The following RP1 variants were observed in gnomAD, a reference collection of about 807,000 sequenced individuals.
RP1 encodes RP1 axonemal microtubule associated, also known as oxygen-regulated protein 1.
A neutral mutation model predicts 14.8 loss-of-function variants in RP1; 16 were observed. That is an observed-to-expected ratio of 1.08 (90% CI 0.73 to 1.65). The LOEUF is 1.65. Among genes scored for constraint, RP1 ranks in the 40% most tolerant of loss-of-function variants. The pLI, the probability that RP1 is intolerant of heterozygous loss-of-function variation, is 0.00. For missense variants in RP1, 2,631 were observed against 2,535.0 expected (o/e 1.04, Z -0.81); for synonymous variants, 876 against 883.6 (o/e 0.99, Z 0.15).
intron 1 of RP1, among the ~76,000 whole-genome samples, chr8:54,575,585 A>G (rs1804623099): frequency 6.6e-6 from 1 of 152,206 alleles, no homozygotes; most frequent in African/African-American, 2.4e-5. Flanking sequence ...TTAAGTTATT[A>G]CGACAATCGT....
chr8:54,712,490 G>C (rs995833147), intron 15 of RP1, among the ~76,000 whole-genome samples: 1 of 152,086 alleles, frequency 6.6e-6, no homozygotes, highest in Non-Finnish European at 1.5e-5. Flanking sequence ...TTCTCCTGTG[G>C]GTCACCAGTT....
At chr8:54,659,027 T>A (rs184727607) in intron 6 of RP1, among the ~76,000 whole-genome samples, 1 of 152,178 alleles carries the variant, frequency 6.6e-6, no homozygotes. Flanking sequence ...CTTTGATGAA[T>A]TGTCTATTCA....
chr8:54,598,784 G>A (rs917043101), intron 1 of RP1, among the ~76,000 whole-genome samples: 1 of 152,160 alleles, frequency 6.6e-6, no homozygotes, highest in East Asian at 1.9e-4. Flanking sequence ...GAAAATGGTT[G>A]CAATATCCTT....
chr8:54,710,289 G>A (rs1470347216), intron 15 of RP1, among the ~76,000 whole-genome samples: 3 of 152,230 alleles, frequency 2.0e-5, no homozygotes, highest in Admixed American at 6.5e-5. Flanking sequence ...AGGCACTGGA[G>A]CAAGTGAGTG....
Position 54,628,896 on chromosome 8 carries a change from CT to C in RP1, c.5017del (p.Tyr1673MetfsTer37), listed in dbSNP as rs753090404. ...ATTTCAGTGTTCCAGGAAAGCAAGT[CT>C]TTATGATTCTGAAGGGCAGTCATTT... The part of the protein sequence containing the change: ...VEFQCSRKAS[L>X]YDSEGQSFGS... On this transcript the variant is annotated frameshift_variant, in exon 4 of 4. Coordinates refer to ENST00000220676, the MANE Select transcript of RP1 (RefSeq NM_006269.2). LOFTEE classifies it low-confidence loss of function (END_TRUNC). 2 of 1,613,838 alleles carry C rather than the reference CT, an allele frequency of 1.2e-6. No homozygotes were observed. Among genetic ancestry groups the C allele is most frequent in the East Asian group, 2.2e-5 (1 of 44,894 alleles).
chr8:54,679,232 C>T (rs1012299104), intron 9 of RP1, among the ~76,000 whole-genome samples: 15 of 152,184 alleles, frequency 9.9e-5, no homozygotes, highest in African/African-American at 3.6e-4. Context: ...GCTGCTTCTA[C>T]CTCCCTTGCA....
At chr8:54,659,074 T>A (rs1010141767) in intron 6 of RP1, among the ~76,000 whole-genome samples, 1 of 152,192 alleles carries the variant, frequency 6.6e-6, no homozygotes, top group South Asian at 2.1e-4. Context: ...TTGTCTCTTT[T>A]TCATGTGTTA....
At chr8:54,623,115 G>A (rs563287323) in intron 3 of RP1, among the ~76,000 whole-genome samples, 1 of 152,188 alleles carries the variant, frequency 6.6e-6, no homozygotes, top group East Asian at 1.9e-4. Flanking sequence ...ATCCATTGTT[G>A]TTTAATGATT....
At chr8:54,842,679 T>A (rs563839226) in intron 25 of RP1, among the ~76,000 whole-genome samples, 1 of 152,286 alleles carries the variant, frequency 6.6e-6, no homozygotes, top group African/African-American at 2.4e-5. Context: ...AAAATGTCAA[T>A]CAGATTATGT....
chr8:54,628,940 A>G lies in RP1; in HGVS notation c.5058A>G (p.Val1686=), dbSNP rs760792392. 4 of 1,613,938 alleles carry G rather than the reference A, an allele frequency of 2.5e-6. No homozygotes were observed. The highest frequency in any genetic ancestry group is 2.7e-5 in the African/African-American group (2 of 74,896). The change falls in exon 4 of 4, where the codon GTA becomes GTG. Residue 1686 remains valine, a synonymous_variant. Transcript: ENST00000220676. The part of the protein sequence containing the change: ...EGQSFGSSEQ[V]SSSSSMLQEF... Reference sequence around the variant, plus strand: ...AGTCATTTGGCTCTTCTGAACAGGTATCTAGTAGTTCATCTATGTTGCAGG... The same window carrying G: ...AGTCATTTGGCTCTTCTGAACAGGTGTCTAGTAGTTCATCTATGTTGCAGG...
At position 54,734,556 on chromosome 8, in the gene RP1, C is replaced by T. The variant is rs1406560085; in HGVS notation, c.2533C>T (p.His845Tyr). The T allele has an allele frequency of 2.6e-6, 4 of 1,534,236 alleles. No homozygotes were observed. In the African/African-American group the frequency reaches 5.5e-5, roughly 21 times the overall value. Reference sequence around the variant, plus strand: ...TTTTTCCCCCATAGAAGAAATCAGACATTTCCAAAGTAGTGAGACTCTTCT... The same window carrying T: ...TTTTTCCCCCATAGAAGAAATCAGATATTTCCAAAGTAGTGAGACTCTTCT... Residue 845 changes from histidine (H) to tyrosine (Y), a missense_variant, in exon 18 of 23, where the codon CAT becomes TAT. Coordinates refer to the RP1 transcript ENST00000636932.
downstream of RP1, chr8:54,769,992 C>A: frequency 2.0e-6 from 1 of 502,102 alleles, no homozygotes; most frequent in South Asian, 4.0e-5. Flanking sequence ...TGTTGTGTGC[C>A]CTAATTGAAG....
At chr8:54,818,623 A>G (rs1342469639) in intron 24 of RP1, among the ~76,000 whole-genome samples, 1 of 152,204 alleles carries the variant, frequency 6.6e-6, no homozygotes, top group Non-Finnish European at 1.5e-5. Flanking sequence ...CTGCCTAAGG[A>G]ATGGCAGGAA....
chr8:54,838,556 T>G (rs1447006302), intron 25 of RP1, among the ~76,000 whole-genome samples: 2 of 152,228 alleles, frequency 1.3e-5, no homozygotes, highest in Non-Finnish European at 2.9e-5. Context: ...TGTTTCAATG[T>G]ATGTGCATGA....
intron 27 of RP1, among the ~76,000 whole-genome samples, chr8:54,858,681 T>TGTAGAGTGGC (rs1812263936): frequency 6.6e-6 from 1 of 152,054 alleles, no homozygotes; most frequent in Non-Finnish European, 1.5e-5. Context: ...GCAGTGTCAC[T>TGTAGAGTGGC]GTAGAGTGGC....
At chr8:54,597,588 A>G (rs1805178173) in intron 1 of RP1, among the ~76,000 whole-genome samples, 1 of 152,206 alleles carries the variant, frequency 6.6e-6, no homozygotes, top group Non-Finnish European at 1.5e-5. Context: ...GTTGTGCTGT[A>G]TGGAGCACAC....
At chr8:54,670,036 A>G (rs1465505816) in intron 7 of RP1, among the ~76,000 whole-genome samples, 2 of 152,186 alleles carry the variant, frequency 1.3e-5, no homozygotes, top group African/African-American at 4.8e-5. Flanking sequence ...ATAATAAAAT[A>G]AAAACCAAAA....
intron 1 of RP1, among the ~76,000 whole-genome samples, chr8:54,599,827 C>T (rs566265868): frequency 3.9e-5 from 6 of 152,158 alleles, no homozygotes; most frequent in African/African-American, 7.2e-5. Context: ...GGTTGCATTC[C>T]GGACATTTTG....
intron 23 of RP1, among the ~76,000 whole-genome samples, chr8:54,776,579 A>G (rs1208625731): frequency 6.6e-6 from 1 of 152,236 alleles, no homozygotes; most frequent in East Asian, 1.9e-4. Context: ...AAAGATGACT[A>G]TAGTCAAAGG....
Sources: gnomAD v4.1 joint callset for allele counts (sites outside exome capture counted in the v4.1 genomes callset) on GRCh38, gnomAD v4.1.1 for gene constraint, MANE v1.5 for transcripts, NCBI Gene and HGNC (gene_info 2026-07-23, HGNC 2026-07-21) for gene names.